TENM1: variants seen among roughly 807,000 people sequenced by gnomAD.
The protein encoded by TENM1 is teneurin-1.
In TENM1, 35 loss-of-function variants were observed where a neutral mutation model predicts 174.8. The ratio of observed to expected loss-of-function variants is 0.20; its 90% CI spans 0.15 to 0.27. The LOEUF (loss-of-function observed/expected upper bound fraction) is 0.27, where lower values mean the gene tolerates loss of function less well. Among genes scored for constraint, TENM1 ranks in the 10% least tolerant of loss-of-function variants. The probability of loss-of-function intolerance (pLI) is 1.00; values close to 1 mark genes in which losing one functional copy is unlikely to be tolerated. For synonymous variants in TENM1, 781 were observed against 798.7 expected, an observed-to-expected ratio of 0.98 and a Z score of 0.37; for missense variants, 1,633 against 2,130.1, an observed-to-expected ratio of 0.77 and a Z score of 4.59.
At chrX:124,918,182 ATTT>A (rs373039228) in intron 1 of TENM1, among the ~76,000 whole-genome samples, 1 of 101,976 alleles carries the variant, frequency 9.8e-6, no homozygotes, top group Admixed American at 1.1e-4. Context: ...AAGATACTGA[ATTT>A]TTTTTTTTTT....
chrX:124,628,491 A>C (rs988529213), intron 11 of TENM1, among the ~76,000 whole-genome samples: 1 of 111,563 alleles, frequency 9.0e-6, no homozygotes, highest in Non-Finnish European at 1.9e-5. Flanking sequence ...CAATATATCC[A>C]AAATATCATT....
the TENM1 span, among the ~76,000 whole-genome samples, chrX:125,121,524 A>G: frequency 8.9e-5 from 10 of 112,084 alleles, no homozygotes; most frequent in Admixed American, 9.5e-4. Flanking sequence ...ATATTTTTAA[A>G]TGGCTACTTA....
chrX:125,157,452 C>T, the TENM1 span, among the ~76,000 whole-genome samples: 18 of 112,212 alleles, frequency 1.6e-4, 1 homozygote, highest in South Asian at 6.6e-3. Flanking sequence ...GACATTTACA[C>T]ATTACATATG....
chrX:125,076,804 G>T, the TENM1 span, among the ~76,000 whole-genome samples: 1 of 111,316 alleles, frequency 9.0e-6, no homozygotes, highest in East Asian at 2.9e-4. Flanking sequence ...TTGTTAACTT[G>T]AATTAGTTTT....
intron 1 of TENM1, among the ~76,000 whole-genome samples, chrX:124,923,782 G>C (rs2058055063): frequency 1.8e-5 from 2 of 111,805 alleles, no homozygotes; most frequent in African/African-American, 6.5e-5. Context: ...TTTGAAGATG[G>C]AGGAAGAGAT....
At chrX:124,757,299 G>A (rs373939995) in intron 3 of TENM1, among the ~76,000 whole-genome samples, 2 of 112,646 alleles carry the variant, frequency 1.8e-5, no homozygotes, top group African/African-American at 6.4e-5. Context: ...CTCCAAGCCA[G>A]GTGCGGGATA....
At position 124,829,618 on chromosome X, in the gene TENM1, T is replaced by A. The variant is rs189229436; in HGVS notation, c.535+64678A>T. On this transcript the variant is annotated intron_variant, in intron 3 of 31. Transcript: ENST00000422452. ...TATTACATTCTTCAAGCCACCATAT[T>A]CCTCATCTCAGGGGCATAGTATACA... 8.9e-5 allele frequency among the ~76,000 whole-genome samples: 10 copies of A among 111,990 alleles called. No homozygotes were observed. In the Admixed American group the frequency reaches 9.5e-4, roughly 11 times the overall value.
intron 18 of TENM1, among the ~76,000 whole-genome samples, chrX:124,513,678 A>T (rs1221449714): frequency 8.9e-6 from 1 of 112,377 alleles, no homozygotes; most frequent in Non-Finnish European, 1.9e-5. Flanking sequence ...CACCAGGAGT[A>T]CAAATAGACA....
chrX:124,652,115 C>T, exon 8 of TENM1: 1 of 1,209,898 alleles, frequency 8.3e-7, no homozygotes, highest in Non-Finnish European at 1.1e-6. Context: ...ATTAGTTTTA[C>T]AAAATCAAAC....
the TENM1 span, among the ~76,000 whole-genome samples, chrX:125,080,644 A>C: frequency 9.0e-6 from 1 of 110,992 alleles, no homozygotes; most frequent in Non-Finnish European, 1.9e-5. Context: ...AATATAAAAT[A>C]ATATATTCCT....
At chrX:124,395,695 T>A (rs776963600) in intron 27 of TENM1, among the ~76,000 whole-genome samples, 3 of 111,915 alleles carry the variant, frequency 2.7e-5, no homozygotes, top group Non-Finnish European at 5.6e-5. Flanking sequence ...AAGCGCATAT[T>A]TCCTGTCTTT....
At chrX:124,643,956 G>A (rs2051082797) in intron 10 of TENM1, among the ~76,000 whole-genome samples, 1 of 103,539 alleles carries the variant, frequency 9.7e-6, no homozygotes, top group African/African-American at 3.5e-5. Context: ...TATTTCAGCT[G>A]GATCACCATA....
intron 11 of TENM1, among the ~76,000 whole-genome samples, chrX:124,629,007 T>G (rs1442824071): frequency 8.9e-6 from 1 of 112,073 alleles, no homozygotes; most frequent in Non-Finnish European, 1.9e-5. Context: ...AATAGTACAG[T>G]GGTGAGCTGG....
intron 23 of TENM1, among the ~76,000 whole-genome samples, chrX:124,444,330 A>G (rs755599315): frequency 2.8e-3 from 311 of 112,474 alleles, no homozygotes; most frequent in Non-Finnish European, 4.7e-3. Flanking sequence ...GTGCAAGTGT[A>G]AGATGAGGAG....
At chrX:124,638,340 A>G (rs2050930498) in intron 11 of TENM1, among the ~76,000 whole-genome samples, 2 of 111,555 alleles carry the variant, frequency 1.8e-5, no homozygotes, top group South Asian at 3.8e-4. Context: ...TGTTAACTCA[A>G]TGGAAATACA....
chrX:124,964,620 A>T (rs1159993883), upstream of TENM1, among the ~76,000 whole-genome samples: 4 of 111,835 alleles, frequency 3.6e-5, no homozygotes, highest in African/African-American at 1.3e-4. Flanking sequence ...TAGGGCCAGT[A>T]GAGGCATTAA....
chrX:124,819,607 G>A (rs1218208013), intron 3 of TENM1, among the ~76,000 whole-genome samples: 1 of 110,705 alleles, frequency 9.0e-6, no homozygotes, highest in Non-Finnish European at 1.9e-5. Context: ...AGAACATACG[G>A]CGTGAGAGGG....
At chrX:125,088,961 A>C in the TENM1 span, among the ~76,000 whole-genome samples, 65 of 111,629 alleles carry the variant, frequency 5.8e-4, no homozygotes, top group Non-Finnish European at 1.1e-3. Flanking sequence ...CCCCATCACC[A>C]GTGACGTAAA....
chrX:125,069,900 A>T, the TENM1 span, among the ~76,000 whole-genome samples: 1 of 111,288 alleles, frequency 9.0e-6, no homozygotes, highest in Non-Finnish European at 1.9e-5. Flanking sequence ...ATCCACATCA[A>T]TGCCTATTGT....
Sources: gnomAD v4.1 joint callset for allele counts (sites outside exome capture counted in the v4.1 genomes callset) on GRCh38, gnomAD v4.1.1 for gene constraint, MANE v1.5 for transcripts, NCBI Gene and HGNC (gene_info 2026-07-23, HGNC 2026-07-21) for gene names.